TEF: variants seen among roughly 807,000 people sequenced by gnomAD.
TEF encodes thyrotroph embryonic factor.
A neutral mutation model predicts 20.8 loss-of-function variants in TEF; 3 were observed. The observed-to-expected ratio is 0.14, with a 90% CI of 0.07 to 0.37. The LOEUF (loss-of-function observed/expected upper bound fraction) is 0.37. TEF is among the 10% of genes least tolerant of loss of function. The pLI is 1.00. For missense variants in TEF, 296 were observed against 397.9 expected (o/e 0.74, Z 2.18); for synonymous variants, 180 against 171.1 (o/e 1.05, Z -0.41).
At position 41,399,215 on chromosome 22, in the gene TEF, A is replaced by G. The variant is rs1320246949; in HGVS notation, c.*3255A>G. On this transcript the variant is annotated 3_prime_UTR_variant, in exon 4 of 4. Transcript: ENST00000266304. ...AAGCAGACCGTAGCCCATTGGCCTTATGTGCGTGTGTGCGTGCGAGTGTGT... is the reference window on the plus strand; with the variant it reads ...AAGCAGACCGTAGCCCATTGGCCTTGTGTGCGTGTGTGCGTGCGAGTGTGT... 2 of 152,702 alleles carry G rather than the reference A, an allele frequency of 1.3e-5. No individual in the cohort carries two copies. The highest frequency in any genetic ancestry group is 3.4e-3 in the Middle Eastern group (1 of 294). 9.5% of individuals were successfully genotyped at this position (152,702 alleles called of 1,614,324 possible).
intron 1 of TEF, among the ~76,000 whole-genome samples, chr22:41,375,246 T>G: frequency 6.6e-6 from 1 of 151,914 alleles, no homozygotes; most frequent in Admixed American, 6.6e-5. Flanking sequence ...AGGGCAAGAA[T>G]CAGTAAAGAG....
At chr22:41,394,403 G>C in intron 3 of TEF, 87 bp downstream of exon 3, 1 of 1,284,588 alleles carries the variant, frequency 7.8e-7, no homozygotes, top group Non-Finnish European at 1.1e-6. Context: ...TTTATCTGGA[G>C]AGCCTTCCCT....
intron 1 of TEF, among the ~76,000 whole-genome samples, chr22:41,369,448 G>A (rs371677627): frequency 4.9e-4 from 74 of 152,328 alleles, no homozygotes; most frequent in African/African-American, 1.6e-3. Context: ...ATCTCACTGA[G>A]AGTGAGAAGC....
chr22:41,375,181 G>A (rs894763002), intron 1 of TEF, among the ~76,000 whole-genome samples: 1 of 152,208 alleles, frequency 6.6e-6, no homozygotes. Flanking sequence ...AGCCCTGGTA[G>A]CGGACAGAAT....
At chr22:41,386,971 G>A (rs1163354310) in intron 1 of TEF, among the ~76,000 whole-genome samples, 1 of 152,186 alleles carries the variant, frequency 6.6e-6, no homozygotes, top group Admixed American at 6.6e-5. Context: ...TTGAACCCAG[G>A]AGGTGGAGGT....
At chr22:41,376,128 C>T (rs563339598) in intron 1 of TEF, among the ~76,000 whole-genome samples, 52 of 152,344 alleles carry the variant, frequency 3.4e-4, no homozygotes, top group South Asian at 3.3e-3. Context: ...GGAGTTTTAG[C>T]TCCTCTAAAC....
rs2037228359 is a variant in TEF, at chr22:41,396,374, CAGGT to C, written c.*417_*420del. On this transcript the variant is annotated 3_prime_UTR_variant, in exon 4 of 4. Transcript: ENST00000266304. ...TGATCATTGTCACCCTATGTCTTCT[CAGGT>C]AGCAGGGCGCGTTTCCACTTAAGGT... is the stretch of plus-strand genomic sequence containing the variant. 5.6e-6 allele frequency: 1 copy of C among 179,646 alleles called. No individual in the cohort carries two copies. Among genetic ancestry groups the C allele is most frequent in the Admixed American group, 5.5e-5 (1 of 18,156 alleles). 11.1% of individuals were successfully genotyped at this position (179,646 alleles called of 1,614,324 possible).
intron 1 of TEF, among the ~76,000 whole-genome samples, chr22:41,382,711 C>T (rs1230347052): frequency 6.6e-6 from 1 of 152,048 alleles, no homozygotes; most frequent in Non-Finnish European, 1.5e-5. Context: ...TGGCTTCCTC[C>T]CTGGGTGTGA....
chr22:41,369,354 C>T (rs1423783197), intron 1 of TEF: 1 of 722,140 alleles, frequency 1.4e-6, no homozygotes, highest in Admixed American at 6.3e-5. Flanking sequence ...CAAGCTGTGG[C>T]CGAGAATTAG....
At chr22:41,378,235 C>G (rs1370824277), upstream of TEF, among the ~76,000 whole-genome samples, 2 of 144,248 alleles carry the variant, frequency 1.4e-5, no homozygotes, top group Non-Finnish European at 3.0e-5. Flanking sequence ...GTGGCACGAT[C>G]TCGGCTCACT....
chr22:41,373,566 T>C (rs758946302), intron 1 of TEF, among the ~76,000 whole-genome samples: 2 of 151,688 alleles, frequency 1.3e-5, no homozygotes, highest in Non-Finnish European at 2.9e-5. Context: ...GCCTCCCAGG[T>C]TCAAGCAATT....
At chr22:41,389,447 T>C (rs1474793492) in intron 2 of TEF, among the ~76,000 whole-genome samples, 1 of 150,966 alleles carries the variant, frequency 6.6e-6, no homozygotes, top group Non-Finnish European at 1.5e-5. Flanking sequence ...TGGTGAAACC[T>C]CGACTCTACT....
At chr22:41,368,949 C>A in intron 1 of TEF, 1 of 554,108 alleles carries the variant, frequency 1.8e-6, no homozygotes, top group Non-Finnish European at 2.3e-6. Context: ...ACTTTTTTGG[C>A]ATCTCTGAGT....
chr22:41,381,408 C>T (rs1042298419), upstream of TEF, among the ~76,000 whole-genome samples: 2 of 152,174 alleles, frequency 1.3e-5, no homozygotes, highest in Admixed American at 6.5e-5. Context: ...CCTCTGCCCC[C>T]TCCCCCCGCG....
intron 3 of TEF, among the ~76,000 whole-genome samples, chr22:41,395,339 G>T (rs576159343): frequency 2.0e-5 from 3 of 152,106 alleles, no homozygotes; most frequent in African/African-American, 7.2e-5. Flanking sequence ...AGGGACCTGT[G>T]ATATTGAGGG....
intron 2 of TEF, among the ~76,000 whole-genome samples, chr22:41,389,057 A>G (rs978162166): frequency 6.6e-6 from 1 of 152,188 alleles, no homozygotes; most frequent in African/African-American, 2.4e-5. Context: ...TTACATCTAA[A>G]GTTGACAATA....
intron 1 of TEF, among the ~76,000 whole-genome samples, chr22:41,372,388 G>A (rs1188307399): frequency 6.6e-6 from 1 of 152,198 alleles, no homozygotes; most frequent in Admixed American, 6.5e-5. Flanking sequence ...CTCCTGACTT[G>A]ACAGCCACTG....
chr22:41,380,056 C>G (rs75522974), upstream of TEF, among the ~76,000 whole-genome samples: 1,045 of 152,274 alleles, frequency 6.9e-3, 6 homozygotes, highest in Non-Finnish European at 0.011. Context: ...ATCATCCTGT[C>G]TCTACCACCA....
chr22:41,382,494 C>A (rs1007047542), intron 1 of TEF, among the ~76,000 whole-genome samples: 2 of 152,098 alleles, frequency 1.3e-5, no homozygotes, highest in African/African-American at 4.8e-5. Flanking sequence ...CCCCCGGGGC[C>A]ACCTGCATCG....
Sources: gnomAD v4.1 joint callset for allele counts (sites outside exome capture counted in the v4.1 genomes callset) on GRCh38, gnomAD v4.1.1 for gene constraint, MANE v1.5 for transcripts, NCBI Gene and HGNC (gene_info 2026-07-23, HGNC 2026-07-21) for gene names.